Variants in RPIA observed in about 807,000 individuals in gnomAD.
RPIA encodes the protein ribose 5-phosphate isomerase A, also known as ribose-5-phosphate isomerase.
RPIA carries 29 observed loss-of-function variants against 37.8 expected under a neutral mutation model. The ratio of observed to expected loss-of-function variants is 0.77; its 90% CI spans 0.57 to 1.05. RPIA has a LOEUF of 1.05. Ranked by LOEUF, RPIA falls within the 50% of genes least tolerant of loss-of-function variation. The pLI is 0.00. For missense variants in RPIA, 385 were observed against 413.6 expected, an observed-to-expected ratio of 0.93 and a Z score of 0.60; for synonymous variants, 167 against 157.0, an observed-to-expected ratio of 1.06 and a Z score of -0.48.
chr2:88,693,196 G>A (rs995240251), intron 1 of RPIA, among the ~76,000 whole-genome samples: 3 of 152,192 alleles, frequency 2.0e-5, no homozygotes, highest in Admixed American at 2.0e-4. Flanking sequence ...AATACAATTA[G>A]AAAAGCCCCA....
chr2:88,706,122 C>T (rs1323129625), intron 3 of RPIA, among the ~76,000 whole-genome samples: 5 of 152,110 alleles, frequency 3.3e-5, no homozygotes, highest in Non-Finnish European at 7.4e-5. Context: ...TAAATTAGTT[C>T]AGCCATTGTG....
chr2:88,705,772 T>A (rs1472294813), intron 3 of RPIA, among the ~76,000 whole-genome samples: 1 of 152,020 alleles, frequency 6.6e-6, no homozygotes, highest in Non-Finnish European at 1.5e-5. Flanking sequence ...GAACAGACAG[T>A]CTACAGAATG....
At chr2:88,749,175 G>T (rs1475536344) in intron 8 of RPIA, among the ~76,000 whole-genome samples, 2 of 152,176 alleles carry the variant, frequency 1.3e-5, no homozygotes, top group Non-Finnish European at 2.9e-5. Flanking sequence ...ATTGCTGAGT[G>T]GTTAGGTGTG....
intron 5 of RPIA, among the ~76,000 whole-genome samples, 171 bp from the exon 6 acceptor site, chr2:88,735,498 T>C (rs1343171902): frequency 6.6e-6 from 1 of 152,186 alleles, no homozygotes; most frequent in African/African-American, 2.4e-5. Flanking sequence ...GTTTCTAGAG[T>C]CCATTTACTA....
chr2:88,705,126 C>T (rs578216470), intron 3 of RPIA, among the ~76,000 whole-genome samples: 45 of 152,172 alleles, frequency 3.0e-4, no homozygotes, highest in Admixed American at 5.2e-4. Context: ...ATCATGAAAA[C>T]GGCCAAATTA....
intron 8 of RPIA, among the ~76,000 whole-genome samples, chr2:88,747,251 C>A (rs572930767): frequency 6.6e-6 from 1 of 152,080 alleles, no homozygotes; most frequent in Non-Finnish European, 1.5e-5. Context: ...CAGTGACAGA[C>A]CCCCACCCAG....
At chr2:88,744,612 A>G (rs1382972073) in intron 8 of RPIA, among the ~76,000 whole-genome samples, 1 of 152,096 alleles carries the variant, frequency 6.6e-6, no homozygotes, top group Non-Finnish European at 1.5e-5. Flanking sequence ...TCCCACTATT[A>G]TTGTATTGCC....
chr2:88,692,290 C>T (rs561415795), intron 1 of RPIA, among the ~76,000 whole-genome samples: 8 of 152,354 alleles, frequency 5.3e-5, no homozygotes, highest in African/African-American at 1.7e-4. Context: ...GGGCTAGAGG[C>T]ACTTGCCTTG....
At chr2:88,745,207 G>T (rs1045694995) in intron 8 of RPIA, among the ~76,000 whole-genome samples, 11 of 152,158 alleles carry the variant, frequency 7.2e-5, no homozygotes, top group Non-Finnish European at 1.6e-4. Flanking sequence ...TGATCTGCCT[G>T]CCTTGGCCGC....
chr2:88,735,673 T>A lies in RPIA; in HGVS notation c.532T>A (p.Cys178Ser). Reference sequence around the variant, plus strand: ...TCCTTTGCTTCTTTCCTGCAGAGGCTGCCTGACCCAGGAGAAGATTGTGGC... The same window carrying A: ...TCCTTTGCTTCTTTCCTGCAGAGGCAGCCTGACCCAGGAGAAGATTGTGGC... Reference protein sequence around the residue: ...DLNLIKGGGGCLTQEKIVAGY... With the variant: ...DLNLIKGGGGSLTQEKIVAGY... The change falls in exon 6 of 9, where the codon TGC (cysteine) becomes AGC (serine). Residue 178 changes from cysteine to serine, a missense_variant. By Grantham distance (112) the Cys-to-Ser change is moderately radical. Around this residue, in one of 2 missense-constraint regions of RPIA, gnomAD observed 153 missense variants for 210.6 expected, o/e 0.73. Coordinates refer to ENST00000283646, the MANE Select transcript of RPIA (RefSeq NM_144563.3). The A allele has an allele frequency of 6.2e-7, 1 of 1,614,196 alleles. No homozygotes were observed. Among genetic ancestry groups the A allele is most frequent in the East Asian group, 2.2e-5 (1 of 44,886 alleles).
intron 3 of RPIA, among the ~76,000 whole-genome samples, chr2:88,715,437 G>A (rs76592483): frequency 6.6e-6 from 1 of 152,258 alleles, no homozygotes; most frequent in East Asian, 1.9e-4. Flanking sequence ...GAACAATGGG[G>A]GATGCAATTA....
intron 3 of RPIA, among the ~76,000 whole-genome samples, chr2:88,719,563 A>G (rs1673094020): frequency 6.6e-6 from 1 of 152,196 alleles, no homozygotes; most frequent in African/African-American, 2.4e-5. Context: ...AACACTTGAT[A>G]TCACAAAAGA....
At chr2:88,737,419 T>C (rs1385054743) in intron 7 of RPIA, among the ~76,000 whole-genome samples, 1 of 152,218 alleles carries the variant, frequency 6.6e-6, no homozygotes, top group Non-Finnish European at 1.5e-5. Flanking sequence ...TCCTAGTGGT[T>C]GTACAGTGCT....
At chr2:88,745,043 C>T (rs1673424569) in intron 8 of RPIA, among the ~76,000 whole-genome samples, 2 of 152,242 alleles carry the variant, frequency 1.3e-5, no homozygotes, top group South Asian at 4.1e-4. Flanking sequence ...CTGCAACCTT[C>T]ACCTCTCAGG....
In RPIA at chr2:88,698,369, A is replaced by G. The variant is rs1480355413; in HGVS notation, c.286-115A>G. 5 of 890,020 alleles carry G rather than the reference A, an allele frequency of 5.6e-6. No homozygotes were observed. In the East Asian group the frequency reaches 9.7e-5, roughly 17 times the overall value. 55.1% of individuals were successfully genotyped at this position (890,020 alleles called of 1,614,324 possible). A position where few individuals can be genotyped will look rare whatever the true frequency, so the allele number is the denominator to read the frequency against. On this transcript the variant is annotated intron_variant, in intron 1 of 8. Transcript: ENST00000283646. ...AAAATAGGCACAGTACCTGTCTTGTACCTGTGTTGGTGGATTGCTGTTCAT... is the reference window on the plus strand; with the variant it reads ...AAAATAGGCACAGTACCTGTCTTGTGCCTGTGTTGGTGGATTGCTGTTCAT...
chr2:88,719,693 A>G (rs538485536), intron 3 of RPIA, among the ~76,000 whole-genome samples: 3 of 152,316 alleles, frequency 2.0e-5, no homozygotes, highest in East Asian at 1.9e-4. Context: ...TTGCCAAACA[A>G]TAAGCCCTAA....
chr2:88,712,130 G>T (rs896885243), intron 3 of RPIA, among the ~76,000 whole-genome samples: 1 of 152,232 alleles, frequency 6.6e-6, no homozygotes, highest in Admixed American at 6.5e-5. Flanking sequence ...ACCTGGCTGA[G>T]AGTAGAGGTC....
intron 3 of RPIA, among the ~76,000 whole-genome samples, chr2:88,713,043 G>C (rs1672978452): frequency 7.7e-6 from 1 of 129,226 alleles, no homozygotes; most frequent in South Asian, 2.5e-4. Context: ...TGATTTTTTT[G>C]TATTTTTAGT....
In RPIA at chr2:88,691,710, C is replaced by T. The variant is rs776563928; in HGVS notation, c.12C>T (p.Pro4=). 1.4e-5 allele frequency: 22 copies of T among 1,578,814 alleles called. No homozygotes were observed. Among genetic ancestry groups the T allele is most frequent in the South Asian group, 1.4e-4 (12 of 87,742 alleles). The change falls in exon 1 of 9, where the codon CCC becomes CCT. Residue 4 remains proline, a synonymous_variant. Coordinates refer to ENST00000283646, the MANE Select transcript of RPIA (RefSeq NM_144563.3). ...AGCGAGGCGTCGGGATGCAGCGCCC[C>T]GGGCCCTTCAGCACCCTCTACGGGC... MQR[P]GPFSTLYGRV...
Sources: allele counts gnomAD v4.1 joint callset (sites outside exome capture counted in the v4.1 genomes callset), GRCh38; gene constraint gnomAD v4.1.1; regional missense constraint gnomAD v4.1.1; transcripts MANE v1.5; gene names NCBI Gene and HGNC (gene_info 2026-07-23, HGNC 2026-07-21).